Variants in TCF4 observed in about 807,000 individuals in gnomAD.
TCF4 encodes the protein SL3-3 enhancer factor 2.
Under a neutral mutation model 82.1 loss-of-function variants are expected in TCF4, and 3 were observed. The ratio of observed to expected loss-of-function variants is 0.04; its 90% CI spans 0.02 to 0.09. The LOEUF (loss-of-function observed/expected upper bound fraction) is 0.09. Among genes scored for constraint, TCF4 ranks in the 10% least tolerant of loss-of-function variants. The pLI is 1.00. For missense variants in TCF4, 518 were observed against 852.7 expected (o/e 0.61, Z 4.89); for synonymous variants, 276 against 309.6 (o/e 0.89, Z 1.14).
chr18:55,635,781 A>T (rs1288245798), exon 1 of TCF4: 1 of 1,551,122 alleles, frequency 6.4e-7, no homozygotes, highest in South Asian at 1.2e-5. Context: ...AAGTTTTAAA[A>T]AATGATGGCT....
intron 2 of TCF4, among the ~76,000 whole-genome samples, chr18:55,630,771 T>G (rs1257226801): frequency 6.6e-6 from 1 of 152,008 alleles, no homozygotes; most frequent in Non-Finnish European, 1.5e-5. Flanking sequence ...ATAAATAGAG[T>G]GCTGACCTAG....
chr18:55,626,207 T>A (rs1374665375), intron 2 of TCF4, among the ~76,000 whole-genome samples: 1 of 152,192 alleles, frequency 6.6e-6, no homozygotes, highest in Non-Finnish European at 1.5e-5. Flanking sequence ...GAAATAGAAA[T>A]CAAAATGTAT....
At chr18:55,386,046 C>A (rs530975372) in intron 6 of TCF4, among the ~76,000 whole-genome samples, 1 of 152,268 alleles carries the variant, frequency 6.6e-6, no homozygotes, top group South Asian at 2.1e-4. Flanking sequence ...CAGAACAGAG[C>A]CTGAGACTGG....
intron 15 of TCF4, among the ~76,000 whole-genome samples, chr18:55,243,084 G>A (rs1437577798): frequency 6.6e-6 from 1 of 152,098 alleles, no homozygotes; most frequent in African/African-American, 2.4e-5. Flanking sequence ...TTGAGTGATG[G>A]GTCGAATTTT....
At chr18:55,617,444 A>AT (rs923570975) in intron 2 of TCF4, among the ~76,000 whole-genome samples, 61 of 151,284 alleles carry the variant, frequency 4.0e-4, no homozygotes, top group Middle Eastern at 6.8e-3. Context: ...GAATTCTAGG[A>AT]TTTTTTTTTC....
At chr18:55,525,468 T>G (rs1208532871) in intron 3 of TCF4, among the ~76,000 whole-genome samples, 2 of 152,194 alleles carry the variant, frequency 1.3e-5, no homozygotes, top group Non-Finnish European at 2.9e-5. Flanking sequence ...ATATTTGTGG[T>G]AGAAATCTGA....
At chr18:55,502,456 A>C (rs550027721) in intron 3 of TCF4, among the ~76,000 whole-genome samples, 1 of 152,320 alleles carries the variant, frequency 6.6e-6, no homozygotes, top group Non-Finnish European at 1.5e-5. Context: ...ACAATGCAGC[A>C]TAGTAAAGGA....
At chr18:55,283,040 C>T (rs2062937919) in intron 8 of TCF4, among the ~76,000 whole-genome samples, 1 of 152,096 alleles carries the variant, frequency 6.6e-6, no homozygotes, top group South Asian at 2.1e-4. Flanking sequence ...ATTTAACATG[C>T]AAAGTTAGCG....
At chr18:55,302,841 A>C (rs1022270743) in intron 8 of TCF4, among the ~76,000 whole-genome samples, 1 of 152,170 alleles carries the variant, frequency 6.6e-6, no homozygotes, top group Non-Finnish European at 1.5e-5. Flanking sequence ...CTGGGAATAG[A>C]GGAGGTCTCC....
chr18:55,377,929 TA>T (rs1233395492), intron 6 of TCF4, among the ~76,000 whole-genome samples: 4 of 152,170 alleles, frequency 2.6e-5, no homozygotes, highest in African/African-American at 9.7e-5. Flanking sequence ...CGCTATAGAA[TA>T]AAAAGACAAT....
intron 2 of TCF4, among the ~76,000 whole-genome samples, chr18:55,617,658 T>C (rs1245972788): frequency 2.0e-5 from 3 of 152,144 alleles, no homozygotes. Flanking sequence ...TCCTTGGTTA[T>C]GTTTATTTCT....
intron 6 of TCF4, among the ~76,000 whole-genome samples, chr18:55,367,065 T>G (rs954538812): frequency 6.6e-6 from 1 of 152,194 alleles, no homozygotes; most frequent in Non-Finnish European, 1.5e-5. Context: ...ATGGTAGAGA[T>G]GAAAGTCATC....
At chr18:55,260,777 C>T (rs2057893643) in intron 12 of TCF4, among the ~76,000 whole-genome samples, 2 of 152,170 alleles carry the variant, frequency 1.3e-5, no homozygotes, top group South Asian at 4.1e-4. Flanking sequence ...CCAGGCTAGT[C>T]TTGAACTCCT....
At chr18:55,267,026 C>T (rs965435303) in intron 11 of TCF4, 1 of 152,152 alleles carries the variant, frequency 6.6e-6, no homozygotes, top group African/African-American at 2.4e-5. Context: ...GAAAAAGCAG[C>T]TTCCTAAGAC....
intron 3 of TCF4, among the ~76,000 whole-genome samples, chr18:55,545,875 A>T (rs1298055672): frequency 2.0e-5 from 3 of 152,262 alleles, no homozygotes; most frequent in East Asian, 3.8e-4. Context: ...CCTGTCTACC[A>T]GCAAGACGAG....
At chr18:55,559,150 CAAAAAAAA>C (rs748464132) in intron 3 of TCF4, among the ~76,000 whole-genome samples, 2 of 56,196 alleles carry the variant, frequency 3.6e-5, no homozygotes, top group African/African-American at 1.3e-4. Context: ...TTCCCCAAAG[CAAAAAAAA>C]AAAAAAAAAA....
intron 5 of TCF4, among the ~76,000 whole-genome samples, chr18:55,424,961 A>C (rs902039229): frequency 2.0e-5 from 3 of 152,214 alleles, no homozygotes; most frequent in Admixed American, 1.3e-4. Flanking sequence ...CCCTCCAAAG[A>C]ACAACTATAT....
In TCF4 at chr18:55,467,123, A is replaced by G. The variant is rs758888808; in HGVS notation, c.146-2986T>C. ...TAGAATAATCATATGAATTCTAATT[A>G]TATTTTACCTTTGAAAAAAATCTAT... On this transcript the variant is annotated intron_variant, in intron 3 of 19. Transcript: ENST00000354452. 3.3e-5 allele frequency among the ~76,000 whole-genome samples: 5 copies of G among 152,348 alleles called. No individual in the cohort carries two copies. The South Asian group carries it at 6.2e-4, about 19-fold the overall frequency.
At chr18:55,356,772 T>C (rs2083649944) in intron 6 of TCF4, among the ~76,000 whole-genome samples, 1 of 152,136 alleles carries the variant, frequency 6.6e-6, no homozygotes, top group South Asian at 2.1e-4. Flanking sequence ...AAAAAAATCT[T>C]TTACTTCTCC....
Sources: gnomAD v4.1 joint callset for allele counts (sites outside exome capture counted in the v4.1 genomes callset) on GRCh38, gnomAD v4.1.1 for gene constraint, MANE v1.5 for transcripts, NCBI Gene and HGNC (gene_info 2026-07-23, HGNC 2026-07-21) for gene names.